Variants in NLGN1 observed in about 807,000 individuals in gnomAD.
NLGN1 encodes the protein neuroligin-1.
A neutral mutation model predicts 65.5 loss-of-function variants in NLGN1; 12 were observed. That is an observed-to-expected ratio of 0.18 (90% confidence interval 0.12 to 0.30). The LOEUF (loss-of-function observed/expected upper bound fraction) is 0.30, where lower values mean the gene tolerates loss of function less well. Among genes scored for constraint, NLGN1 ranks in the 10% least tolerant of loss-of-function variants. The pLI is 1.00. For missense variants in NLGN1, 750 were observed against 1,007.1 expected, an observed-to-expected ratio of 0.74 and a Z score of 3.46; for synonymous variants, 350 against 359.5, an observed-to-expected ratio of 0.97 and a Z score of 0.30.
At chr3:173,971,071 G>A (rs891728554) in intron 4 of NLGN1, among the ~76,000 whole-genome samples, 3 of 152,084 alleles carry the variant, frequency 2.0e-5, no homozygotes, top group Admixed American at 2.0e-4. Context: ...CTACATGGAG[G>A]AGATAGACAA....
chr3:173,883,593 G>T lies in NLGN1; in HGVS notation c.646+75761G>T, dbSNP rs145250681. Reference sequence around the variant, plus strand: ...TCAGTTTATATAAAAAAATAAAACTGCAATATCTACAAAGTGCAATAGTGT... The same window carrying T: ...TCAGTTTATATAAAAAAATAAAACTTCAATATCTACAAAGTGCAATAGTGT... On this transcript the variant is annotated intron_variant, in intron 4 of 6. Transcript: ENST00000457714. Among the ~76,000 whole-genome samples, 787 of 152,108 alleles carry T rather than the reference G, an allele frequency of 5.2e-3. 5 individuals carry two copies. The highest frequency in any genetic ancestry group is 0.017 in the Middle Eastern group (5 of 294).
chr3:174,190,148 G>C (rs951227788), intron 4 of NLGN1, among the ~76,000 whole-genome samples: 7 of 152,030 alleles, frequency 4.6e-5, no homozygotes, highest in Admixed American at 3.9e-4. Context: ...ATCATCCCTT[G>C]TTGAGTTGTA....
chr3:173,667,779 A>G (rs1761917149), intron 3 of NLGN1, among the ~76,000 whole-genome samples: 1 of 151,902 alleles, frequency 6.6e-6, no homozygotes, highest in Admixed American at 6.6e-5. Flanking sequence ...ACAGGTGTGC[A>G]CCACCACGCC....
rs1318478438 is a variant in NLGN1, at chr3:174,074,479, AG to A, written c.647-200835del. Among the ~76,000 whole-genome samples the A allele has an allele frequency of 4.6e-5, 7 of 152,312 alleles. No homozygotes were observed. The East Asian group carries it at 1.3e-3, about 29-fold the overall frequency. The stretch of plus-strand genomic sequence containing the variant: ...GACCAACTACATGATGACAAGGGTG[AG>A]TTTAAATTCTGGGTGATTACTTATT... On this transcript the variant is annotated intron_variant, in intron 4 of 6. Transcript: ENST00000457714.
intron 4 of NLGN1, among the ~76,000 whole-genome samples, chr3:174,012,664 C>T (rs1281213658): frequency 6.6e-6 from 1 of 152,130 alleles, no homozygotes; most frequent in Non-Finnish European, 1.5e-5. Context: ...ATTTTATCTT[C>T]ACCATCATAG....
At chr3:174,025,067 T>C (rs1282421280) in intron 4 of NLGN1, among the ~76,000 whole-genome samples, 1 of 152,214 alleles carries the variant, frequency 6.6e-6, no homozygotes, top group African/African-American at 2.4e-5. Context: ...ATATGCCTAC[T>C]ATGGGCCAAG....
intron 4 of NLGN1, among the ~76,000 whole-genome samples, chr3:173,886,563 A>C (rs1734371669): frequency 6.6e-6 from 1 of 152,126 alleles, no homozygotes; most frequent in Non-Finnish European, 1.5e-5. Context: ...GGATTCCTAC[A>C]GCTCTTAAAT....
At chr3:174,284,395 A>G (rs1751890025) in exon 7 of NLGN1, 1 of 151,474 alleles carries the variant, frequency 6.6e-6, no homozygotes, top group Admixed American at 6.6e-5. Flanking sequence ...ATATGTTTAA[A>G]ATGTATTTAT....
At chr3:174,016,165 T>C (rs147757237) in intron 4 of NLGN1, among the ~76,000 whole-genome samples, 73 of 152,330 alleles carry the variant, frequency 4.8e-4, no homozygotes, top group African/African-American at 1.6e-3. Flanking sequence ...AGATGCTCCA[T>C]TTTGAGTCTA....
chr3:174,161,874 G>T (rs1266230868), intron 4 of NLGN1, among the ~76,000 whole-genome samples: 1 of 151,794 alleles, frequency 6.6e-6, no homozygotes, highest in East Asian at 1.9e-4. Context: ...TGTATTGAAA[G>T]AAATCATAAA....
chr3:173,750,221 C>A (rs930365158), intron 3 of NLGN1, among the ~76,000 whole-genome samples: 1 of 152,062 alleles, frequency 6.6e-6, no homozygotes, highest in African/African-American at 2.4e-5. Flanking sequence ...TAGCCCTGCT[C>A]ATTATTTTGG....
chr3:173,725,143 A>C (rs1459873970), intron 3 of NLGN1, among the ~76,000 whole-genome samples: 1 of 152,180 alleles, frequency 6.6e-6, no homozygotes, highest in African/African-American at 2.4e-5. Flanking sequence ...AAACCTGTAC[A>C]TTGTGCACAT....
chr3:173,682,198 C>T (rs1764037868), intron 3 of NLGN1, among the ~76,000 whole-genome samples: 2 of 152,108 alleles, frequency 1.3e-5, no homozygotes, highest in African/African-American at 2.4e-5. Flanking sequence ...TACAACACTT[C>T]ATTTAGTGAC....
chr3:173,786,824 C>T (rs147675702), intron 3 of NLGN1, among the ~76,000 whole-genome samples: 133 of 152,274 alleles, frequency 8.7e-4, no homozygotes, highest in Middle Eastern at 3.4e-3. Flanking sequence ...CGCCTATAAT[C>T]CCAGCATTTT....
chr3:173,444,747 T>C (rs1719867164), intron 2 of NLGN1, among the ~76,000 whole-genome samples: 1 of 152,046 alleles, frequency 6.6e-6, no homozygotes, highest in South Asian at 2.1e-4. Context: ...TATACACATA[T>C]ATACATATGT....
intron 2 of NLGN1, among the ~76,000 whole-genome samples, chr3:173,592,475 T>G (rs546635767): frequency 5.1e-4 from 77 of 152,316 alleles, no homozygotes; most frequent in African/African-American, 1.7e-3. Flanking sequence ...TGGAATTAGC[T>G]GCCAGTCTAC....
intron 3 of NLGN1, among the ~76,000 whole-genome samples, chr3:173,719,336 C>T (rs1217740412): frequency 6.6e-6 from 1 of 152,156 alleles, no homozygotes; most frequent in African/African-American, 2.4e-5. Context: ...CCTTAAACTC[C>T]TTTTTGTGAG....
intron 3 of NLGN1, among the ~76,000 whole-genome samples, chr3:173,735,798 A>C (rs370878134): frequency 2.6e-5 from 4 of 152,278 alleles, no homozygotes; most frequent in African/African-American, 9.6e-5. Context: ...AAGTTGACTC[A>C]TATTGCACAA....
chr3:174,234,813 T>C (rs892751193), intron 4 of NLGN1, among the ~76,000 whole-genome samples: 1 of 152,090 alleles, frequency 6.6e-6, no homozygotes, highest in African/African-American at 2.4e-5. Flanking sequence ...TCAGTTATGC[T>C]TTTAGCACCA....
Sources: gnomAD v4.1 joint callset for allele counts (sites outside exome capture counted in the v4.1 genomes callset) on GRCh38, gnomAD v4.1.1 for gene constraint, MANE v1.5 for transcripts, NCBI Gene and HGNC (gene_info 2026-07-23, HGNC 2026-07-21) for gene names.